Variants in SNED1 observed in about 807,000 individuals in gnomAD.
SNED1 encodes sushi, nidogen and EGF like domains 1, also known as sushi, nidogen and EGF-like domain-containing protein 1.
Under a neutral mutation model 166.7 loss-of-function variants are expected in SNED1, and 81 were observed. The ratio of observed to expected loss-of-function variants is 0.49; its 90% CI spans 0.41 to 0.58. SNED1 has a LOEUF of 0.58. SNED1 is among the 20% of genes least tolerant of loss of function. The pLI is 0.00. For synonymous variants in SNED1, 762 were observed against 822.0 expected, an observed-to-expected ratio of 0.93 and a Z score of 1.25; for missense variants, 1,604 against 2,000.2, an observed-to-expected ratio of 0.80 and a Z score of 3.78.
intron 21 of SNED1, 63 bp downstream of exon 21, chr2:241,065,658 C>A: frequency 1.4e-6 from 2 of 1,429,386 alleles, no homozygotes; most frequent in East Asian, 4.7e-5. Flanking sequence ...AGCGCTGGCC[C>A]CGGCACCTGC....
chr2:241,081,015 G>A (rs1330506459), intron 27 of SNED1, among the ~76,000 whole-genome samples: 1 of 152,236 alleles, frequency 6.6e-6, no homozygotes, highest in Non-Finnish European at 1.5e-5. Context: ...TGCAAGGCCC[G>A]TGGGGACTTT....
At chr2:241,088,492 C>A in intron 31 of SNED1, 90 bp downstream of exon 31, 2 of 1,045,642 alleles carry the variant, frequency 1.9e-6, no homozygotes, top group African/African-American at 3.1e-5. Context: ...AGTGCCGCTG[C>A]CTGCTTACTC....
Position 241,065,315 on chromosome 2 carries a change from G to A in SNED1, c.2730G>A (p.Thr910=). Reference sequence around the variant, plus strand: ...ACCCTGAAGAGCTCTTCCCACCGACGGCCCTCAAGATGGAGAGAGTGGAGG... The same window carrying A: ...ACCCTGAAGAGCTCTTCCCACCGACAGCCCTCAAGATGGAGAGAGTGGAGG... ...EDCAKELFPP[T]ALKMERVEES... Residue 910 remains threonine, a synonymous_variant, in exon 21 of 32, where the codon ACG becomes ACA. Transcript: ENST00000310397. The A allele has an allele frequency of 1.2e-6, 2 of 1,612,776 alleles. No individual in the cohort carries two copies. Among genetic ancestry groups the A allele is most frequent in the Admixed American group, 3.3e-5 (2 of 60,004 alleles).
intron 1 of SNED1, among the ~76,000 whole-genome samples, chr2:241,007,886 T>TC (rs1218123454): frequency 2.6e-5 from 4 of 152,224 alleles, no homozygotes; most frequent in African/African-American, 9.6e-5. Flanking sequence ...TGTGTGTCTG[T>TC]CCTACACGGG....
intron 11 of SNED1, 106 bp downstream of exon 11, chr2:241,049,241 ACT>A: frequency 1.2e-6 from 1 of 811,176 alleles, no homozygotes; most frequent in Non-Finnish European, 2.0e-6. Flanking sequence ...TTCCCTTCTG[ACT>A]CTCGGGAGAG....
chr2:241,087,205 T>C (rs2063627851), intron 29 of SNED1, 187 bp from the exon 30 acceptor site: 1 of 582,820 alleles, frequency 1.7e-6, no homozygotes, highest in Non-Finnish European at 3.1e-6. Context: ...AATAAATTTA[T>C]TACAAATCAC....
intron 6 of SNED1, among the ~76,000 whole-genome samples, chr2:241,038,982 C>T (rs1344930572): frequency 1.3e-5 from 2 of 152,152 alleles, no homozygotes; most frequent in South Asian, 2.1e-4. Context: ...TGAGGCTTGG[C>T]GCCAGGAGGC....
intron 2 of SNED1, among the ~76,000 whole-genome samples, chr2:241,030,946 A>G (rs764449964): frequency 3.9e-5 from 6 of 152,276 alleles, no homozygotes; most frequent in Non-Finnish European, 7.4e-5. Flanking sequence ...CTCAAGAATA[A>G]TCAGCCACTT....
chr2:241,036,645 A>C (rs950789750), intron 4 of SNED1, 145 bp from the exon 5 acceptor site: 1 of 1,066,218 alleles, frequency 9.4e-7, no homozygotes, highest in African/African-American at 1.6e-5. Context: ...TGAAACCTGA[A>C]ACCTGGCTGC....
chr2:241,089,264 C>T lies in SNED1; in HGVS notation c.*1+862C>T, dbSNP rs185064626. ...CTAGGACAGCTTTGCTCTTCCTGCC[C>T]CTTATAGGAGCCCTCACAGTTCATC... On this transcript the variant is annotated intron_variant, in intron 31 of 31. Transcript: ENST00000310397. 34 of 1,541,308 alleles carry T rather than the reference C, an allele frequency of 2.2e-5. No homozygotes were observed. In the East Asian group the frequency reaches 6.6e-4, roughly 30 times the overall value.
At position 241,069,141 on chromosome 2, in the gene SNED1, G is replaced by T; in HGVS notation, c.3307+118G>T. ...CCACAACACCAGAAACCCAGCCCCT[G>T]GCCTCCCAGATGTCTCTTCCGCTGG... On this transcript the variant is annotated intron_variant, in intron 23 of 31. Coordinates refer to ENST00000310397, the MANE Select transcript of SNED1 (RefSeq NM_001080437.3). The surrounding 1 kb of genome is among the most constrained non-coding windows in gnomAD (Gnocchi z 4.9). The T allele has an allele frequency of 1.5e-6, 1 of 672,312 alleles. No individual in the cohort carries two copies. Among genetic ancestry groups the T allele is most frequent in the Non-Finnish European group, 2.5e-6 (1 of 405,358 alleles). 41.6% of individuals were successfully genotyped at this position (672,312 alleles called of 1,614,324 possible).
chr2:241,027,501 A>C (rs1037477670), intron 1 of SNED1, among the ~76,000 whole-genome samples: 6 of 152,222 alleles, frequency 3.9e-5, no homozygotes. Context: ...ATTGTGAATA[A>C]TAATGCTATG....
intron 1 of SNED1, among the ~76,000 whole-genome samples, chr2:241,026,783 T>C (rs931773874): frequency 7.2e-5 from 11 of 152,270 alleles, no homozygotes; most frequent in African/African-American, 2.4e-4. Flanking sequence ...CATTTTTAAA[T>C]GTGTGGTTCA....
intron 31 of SNED1, among the ~76,000 whole-genome samples, chr2:241,090,959 T>A (rs2063932899): frequency 6.6e-6 from 1 of 151,850 alleles, no homozygotes; most frequent in Admixed American, 6.6e-5. Flanking sequence ...ATGCGCGCGG[T>A]CCTTCATCGT....
rs1274280801 is a variant in SNED1 at position 241,079,113 on chromosome 2, CA to C, written c.3917-2547del. ...TGGGTGACAGGGTAAGACTCCATCT[CA>C]AAAAAAAAAAAAAAAAGGCCGGGCG... On this transcript the variant is annotated intron_variant, in intron 27 of 31. Coordinates refer to ENST00000310397, the MANE Select transcript of SNED1 (RefSeq NM_001080437.3). 6.2e-3 allele frequency among the ~76,000 whole-genome samples: 450 copies of C among 72,534 alleles called. 2 individuals are homozygous for C. The highest frequency in any genetic ancestry group is 0.029 in the Middle Eastern group (2 of 70). The allele number at this position is 72,534 out of a possible 152,430, so 47.6% of individuals were successfully genotyped here. A position where few individuals can be genotyped will look rare whatever the true frequency, so the allele number is the denominator to read the frequency against.
intron 27 of SNED1, among the ~76,000 whole-genome samples, chr2:241,077,976 A>G (rs1219403918): frequency 6.6e-6 from 1 of 152,168 alleles, no homozygotes; most frequent in Admixed American, 6.6e-5. Context: ...ACTCCTAGGT[A>G]TATACCCAAG....
intron 1 of SNED1, among the ~76,000 whole-genome samples, chr2:241,016,556 A>T (rs2060600802): frequency 6.6e-6 from 1 of 152,140 alleles, no homozygotes; most frequent in Non-Finnish European, 1.5e-5. Flanking sequence ...AATTCATTTA[A>T]GGTTTTAGCA....
chr2:241,036,978 A>AG, intron 5 of SNED1, 63 bp downstream of exon 5: 6 of 1,540,490 alleles, frequency 3.9e-6, no homozygotes, highest in Non-Finnish European at 5.3e-6. Context: ...GGAGCACTGT[A>AG]GGCTCCGCCA....
Position 241,073,546 on chromosome 2 carries a change from A to G in SNED1, c.3916+182A>G, listed in dbSNP as rs564768057. The stretch of plus-strand genomic sequence containing the variant: ...TGGGGTGAAGCTACACCACCCAAGC[A>G]GTGGGACCCCACAGACGGGAACAGG... On this transcript the variant is annotated intron_variant, in intron 27 of 31. Coordinates refer to ENST00000310397, the MANE Select transcript of SNED1 (RefSeq NM_001080437.3). This position sits in a 1 kb window ranked among gnomAD's most constrained non-coding sequence, Gnocchi z 6.6. 1 of 645,034 alleles carries G rather than the reference A, an allele frequency of 1.6e-6. No homozygotes were observed. The allele number at this position is 645,034 out of a possible 1,614,324, so 40.0% of individuals were successfully genotyped here. A position where few individuals can be genotyped will look rare whatever the true frequency, so the allele number is the denominator to read the frequency against.
Sources: allele counts gnomAD v4.1 joint callset (sites outside exome capture counted in the v4.1 genomes callset), GRCh38; gene constraint gnomAD v4.1.1; non-coding constraint Gnocchi (gnomAD v3.1); transcripts MANE v1.5; gene names NCBI Gene and HGNC (gene_info 2026-07-23, HGNC 2026-07-21).